The following TMEM184B variants were observed in gnomAD, a reference collection of about 807,000 sequenced individuals.
TMEM184B encodes transmembrane protein 184B, also known as putative MAPK-activating protein FM08.
TMEM184B carries 17 observed loss-of-function variants against 41.8 expected under a neutral mutation model. The observed-to-expected ratio is 0.41, with a 90% CI of 0.28 to 0.61. The LOEUF (loss-of-function observed/expected upper bound fraction) is 0.61. Among genes scored for constraint, TMEM184B ranks in the 20% least tolerant of loss-of-function variants. The pLI, the probability that TMEM184B is intolerant of heterozygous loss-of-function variation, is 0.34. For missense variants in TMEM184B, 393 were observed against 557.8 expected (o/e 0.70, Z 2.98); for synonymous variants, 240 against 229.5 (o/e 1.05, Z -0.41).
chr22:38,234,819 T>A (rs1382666335), intron 3 of TMEM184B, among the ~76,000 whole-genome samples: 1 of 152,162 alleles, frequency 6.6e-6, no homozygotes, highest in Non-Finnish European at 1.5e-5. Flanking sequence ...CAGCCTGCCT[T>A]GGTTGTGAAC....
At position 38,225,568 on chromosome 22, in the gene TMEM184B, T is replaced by C; in HGVS notation, c.643A>G (p.Thr215Ala). ...CTGACGGAGATGTTGTAGATGATGG[T>C]CACGTAGAGGTAGCCACTGGTGACG... ...FDVTSGYLYV[T>A]IIYNISVSLA... The change falls in exon 7 of 9, where the codon ACC becomes GCC. Residue 215 changes from threonine (T) to alanine (A), a missense_variant. Physicochemically the swap from Thr to Ala is moderately conservative, Grantham distance 58 (BLOSUM62 0). This residue lies in a region of TMEM184B where 271 missense variants were observed against 434.1 expected (regional missense o/e 0.62). Coordinates refer to ENST00000361906, the MANE Select transcript of TMEM184B (RefSeq NM_012264.5). The surrounding 1 kb of genome is among the most constrained non-coding windows in gnomAD (Gnocchi z 4.4). 1 of 1,606,196 alleles carries C rather than the reference T, an allele frequency of 6.2e-7. No individual in the cohort carries two copies. The highest frequency in any genetic ancestry group is 8.5e-7 in the Non-Finnish European group (1 of 1,176,954).
rs754642953 is a variant in TMEM184B, at chr22:38,247,924, G to A, written c.38C>T (p.Ala13Val). 3.0e-5 allele frequency: 48 copies of A among 1,596,920 alleles called. No individual in the cohort carries two copies. Among genetic ancestry groups the A allele is most frequent in the Non-Finnish European group, 3.6e-5 (42 of 1,175,354 alleles). ...VRGDVLAPDP[A>V]SPTTAAASPS... ...CGAGGCTGCTGCGGTCGTGGGCGAC[G>A]CTGGATCCGGGGCCAGCACATCCCC... is the stretch of plus-strand genomic sequence containing the variant. The change falls in exon 2 of 9, where the codon GCG becomes GTG. Residue 13 changes from alanine to valine, a missense_variant. Around this residue, in one of 2 missense-constraint regions of TMEM184B, gnomAD observed 122 missense variants for 123.7 expected, o/e 0.99. Coordinates refer to ENST00000361906, the MANE Select transcript of TMEM184B (RefSeq NM_012264.5).
rs1300992198 is a variant in TMEM184B, at chr22:38,258,299, A to ATTT, written c.-58-10281_-58-10280insAAA. The stretch of plus-strand genomic sequence containing the variant: ...GGTTTAAGAATTTAGAATTTTTCCA[A>ATTT]ATTTTTTTTTTTTTTTTTTTAGACT... On this transcript the variant is annotated intron_variant, in intron 1 of 8. Transcript: ENST00000361906. Among the ~76,000 whole-genome samples the ATTT allele has an allele frequency of 5.6e-3, 828 of 148,154 alleles. 14 individuals carry two copies. The South Asian group carries it at 0.063, about 11-fold the overall frequency.
chr22:38,246,885 G>T, intron 2 of TMEM184B: 1 of 1,302,176 alleles, frequency 7.7e-7, no homozygotes, highest in Non-Finnish European at 1.0e-6. Flanking sequence ...CGAGCCCTGG[G>T]CTGGGGAGGA....
At position 38,220,795 on chromosome 22, in the gene TMEM184B, G is replaced by A; in HGVS notation, c.*674C>T. On this transcript the variant is annotated 3_prime_UTR_variant, in exon 9 of 9. Transcript: ENST00000361906. ...GGCAGAGGTGTGGCCACGACAGGTG[G>A]GGATACCCAGGGGCCCAGAAGCCCC... is the stretch of plus-strand genomic sequence containing the variant. 2.0e-6 allele frequency: 2 copies of A among 986,090 alleles called. No individual in the cohort carries two copies. The highest frequency in any genetic ancestry group is 3.5e-5 in the African/African-American group (2 of 57,372). 61.1% of individuals were successfully genotyped at this position (986,090 alleles called of 1,614,324 possible).
intron 1 of TMEM184B, among the ~76,000 whole-genome samples, chr22:38,250,961 A>G: frequency 6.6e-6 from 1 of 152,118 alleles, no homozygotes; most frequent in East Asian, 1.9e-4. Flanking sequence ...CTTACCCCCA[A>G]ATCAGAGCCA....
Position 38,225,592 on chromosome 22 carries a change from C to A in TMEM184B, c.619G>T (p.Val207Phe). The A allele has an allele frequency of 6.2e-7, 1 of 1,603,420 alleles. No individual in the cohort carries two copies. Among genetic ancestry groups the A allele is most frequent in the Non-Finnish European group, 8.5e-7 (1 of 1,176,068 alleles). ...FGKYRDGDFDVTSGYLYVTII... is the reference protein window; with the variant it reads ...FGKYRDGDFDFTSGYLYVTII... ...GTCACGTAGAGGTAGCCACTGGTGA[C>A]GCTGCGGGACGGGGAGCATTTTCTG... Residue 207 changes from valine (V) to phenylalanine (F), a missense_variant and splice_region_variant, in exon 7 of 9, where the codon GTC (valine) becomes TTC (phenylalanine). This residue lies in a region of TMEM184B where 271 missense variants were observed against 434.1 expected (regional missense o/e 0.62). Transcript: ENST00000361906. The surrounding 1 kb of genome is among the most constrained non-coding windows in gnomAD (Gnocchi z 4.4).
chr22:38,265,664 G>A lies in TMEM184B; in HGVS notation c.-59+7220C>T, dbSNP rs2092433750. Among the ~76,000 whole-genome samples, 3 of 152,272 alleles carry A rather than the reference G, an allele frequency of 2.0e-5. No individual in the cohort carries two copies. The South Asian group carries it at 6.2e-4, about 32-fold the overall frequency. ...TGCAAAGCCCCACAAATTCCAATGA[G>A]AATATTAATATAACTAGCATGTTAA... On this transcript the variant is annotated intron_variant, in intron 1 of 8. Coordinates refer to ENST00000361906, the MANE Select transcript of TMEM184B (RefSeq NM_012264.5).
chr22:38,244,487 G>A (rs1444167222), intron 3 of TMEM184B, among the ~76,000 whole-genome samples: 2 of 150,922 alleles, frequency 1.3e-5, no homozygotes, highest in Non-Finnish European at 3.0e-5. Flanking sequence ...ACAGAGTTTC[G>A]CTCTTGTTGC....
At chr22:38,267,864 C>A (rs1023614579) in intron 1 of TMEM184B, among the ~76,000 whole-genome samples, 7 of 152,192 alleles carry the variant, frequency 4.6e-5, no homozygotes, top group Admixed American at 6.5e-5. Context: ...GACACTGAGC[C>A]ATGATTAACC....
At chr22:38,265,538 C>T (rs1231005646) in intron 1 of TMEM184B, among the ~76,000 whole-genome samples, 1 of 152,146 alleles carries the variant, frequency 6.6e-6, no homozygotes, top group African/African-American at 2.4e-5. Context: ...CAATTCACCC[C>T]TCTGAGCCTC....
chr22:38,246,227 G>A lies in TMEM184B; in HGVS notation c.193-127C>T, dbSNP rs917430343. On this transcript the variant is annotated intron_variant, in intron 2 of 8. Transcript: ENST00000361906. ...GCACGTGACCTACCCCTGAGCCTCA[G>A]AGCCCTGCTCTGCAAAATGCGGGAT... 7.5e-6 allele frequency: 9 copies of A among 1,195,098 alleles called. No individual in the cohort carries two copies. In the African/African-American group the frequency reaches 1.1e-4, roughly 14 times the overall value. 74.0% of individuals were successfully genotyped at this position (1,195,098 alleles called of 1,614,324 possible). A position where few individuals can be genotyped will look rare whatever the true frequency, so the allele number is the denominator to read the frequency against.
Position 38,225,130 on chromosome 22 carries a change from G to C in TMEM184B, c.788-151C>G. ...TGCAGGGCAGGGGTAGCGACACAAG[G>C]CCACAGCCTCCGGAAACCCCACTCT... On this transcript the variant is annotated intron_variant, in intron 7 of 8. Transcript: ENST00000361906. This position sits in a 1 kb window ranked among gnomAD's most constrained non-coding sequence, Gnocchi z 4.4. 2.0e-6 allele frequency: 2 copies of C among 986,814 alleles called. No individual in the cohort carries two copies. The highest frequency in any genetic ancestry group is 2.9e-6 in the Non-Finnish European group (2 of 696,130). 61.1% of individuals were successfully genotyped at this position (986,814 alleles called of 1,614,324 possible).
intron 1 of TMEM184B, among the ~76,000 whole-genome samples, chr22:38,254,574 T>C (rs551742526): frequency 6.6e-6 from 1 of 152,234 alleles, no homozygotes; most frequent in South Asian, 2.1e-4. Context: ...CACTCCAGCC[T>C]GGGCGACAGA....
At position 38,219,906 on chromosome 22, in the gene TMEM184B, C is replaced by T. The variant is rs1443010714; in HGVS notation, c.*1563G>A. On this transcript the variant is annotated 3_prime_UTR_variant, in exon 9 of 9. Transcript: ENST00000361906. ...GGCACCCACATGCAGGCCTCTGCCA[C>T]GAGGAAAGGAAGGAGGCCAGGAAGA... 16 of 985,266 alleles carry T rather than the reference C, an allele frequency of 1.6e-5. No homozygotes were observed. The highest frequency in any genetic ancestry group is 1.1e-4 in the East Asian group (1 of 8,808). 61.0% of individuals were successfully genotyped at this position (985,266 alleles called of 1,614,324 possible).
intron 1 of TMEM184B, among the ~76,000 whole-genome samples, chr22:38,257,595 A>G (rs2092303932): frequency 6.6e-6 from 1 of 152,188 alleles, no homozygotes; most frequent in Non-Finnish European, 1.5e-5. Context: ...GACCCCGTGT[A>G]TGAACCCAGG....
rs112849606 is a variant in TMEM184B at position 38,225,965 on chromosome 22, C to T, written c.618-372G>A. Among the ~76,000 whole-genome samples, 1,372 of 152,144 alleles carry T rather than the reference C, an allele frequency of 9.0e-3. 16 individuals carry two copies. The highest frequency in any genetic ancestry group is 0.026 in the African/African-American group (1,062 of 41,404). On this transcript the variant is annotated intron_variant, in intron 6 of 8. Transcript: ENST00000361906. This position sits in a 1 kb window ranked among gnomAD's most constrained non-coding sequence, Gnocchi z 4.4. ...CAGCTCTGCTGCCTTTTCACTCGGTCGGCTGCATCCCCCTGACCTCCTTTT... is the reference window on the plus strand; with the variant it reads ...CAGCTCTGCTGCCTTTTCACTCGGTTGGCTGCATCCCCCTGACCTCCTTTT...
chr22:38,221,493 C>G lies in TMEM184B; in HGVS notation c.1200G>C (p.Leu400=), dbSNP rs1245736135. ...CCTAGAATTCATCATCAGAGCTGAG[C>G]AGGAGAGTCTTCTCGTTGTCGCGGG... ...SGARDNEKTL[L]LSSDDEF Residue 400 remains leucine (L), a synonymous_variant, in exon 9 of 9, where the codon CTG becomes CTC. Transcript: ENST00000361906. 1 of 1,612,294 alleles carries G rather than the reference C, an allele frequency of 6.2e-7. No individual in the cohort carries two copies. The highest frequency in any genetic ancestry group is 1.3e-5 in the African/African-American group (1 of 74,902).
At chr22:38,231,533 G>T (rs767754749) in intron 3 of TMEM184B, 199 bp from the exon 4 acceptor site, 1 of 697,996 alleles carries the variant, frequency 1.4e-6, no homozygotes, top group African/African-American at 1.8e-5. Flanking sequence ...TTCAAAACCC[G>T]GCACACCTAA....
Sources: allele counts gnomAD v4.1 joint callset (sites outside exome capture counted in the v4.1 genomes callset), GRCh38; gene constraint gnomAD v4.1.1; regional missense constraint gnomAD v4.1.1; non-coding constraint Gnocchi (gnomAD v3.1); transcripts MANE v1.5; gene names NCBI Gene and HGNC (gene_info 2026-07-23, HGNC 2026-07-21).